SGSM1: variants seen among roughly 807,000 people sequenced by gnomAD.
SGSM1 encodes RUN and TBC1 domain containing 2.
A neutral mutation model predicts 133.8 loss-of-function variants in SGSM1; 73 were observed. That is an observed-to-expected ratio of 0.55 (90% CI 0.45 to 0.66). The LOEUF (loss-of-function observed/expected upper bound fraction) is 0.66. Ranked by LOEUF, SGSM1 falls within the 30% of genes least tolerant of loss-of-function variation. The probability of loss-of-function intolerance (pLI) is 0.00; values close to 1 mark genes in which losing one functional copy is unlikely to be tolerated. For missense variants in SGSM1, 1,213 were observed against 1,448.1 expected, an observed-to-expected ratio of 0.84 and a Z score of 2.64; for synonymous variants, 563 against 573.0, an observed-to-expected ratio of 0.98 and a Z score of 0.25.
intron 9 of SGSM1, among the ~76,000 whole-genome samples, chr22:24,862,150 G>A (rs996487783): frequency 6.6e-6 from 1 of 151,750 alleles, no homozygotes; most frequent in African/African-American, 2.4e-5. Flanking sequence ...GGGTTTCTCC[G>A]TGTTGGTCAG....
Position 24,925,376 on chromosome 22 carries a change from A to C in SGSM1, c.*1102A>C, listed in dbSNP as rs1004619172. ...CATCTCAAAAAAAAAAAGAAAAGGC[A>C]CACAAGAGTCCCTCACACATCTCTC... On this transcript the variant is annotated 3_prime_UTR_variant, in exon 25 of 25. Coordinates refer to ENST00000400358, the MANE Select transcript of SGSM1 (RefSeq NM_001098497.3). 6.6e-6 allele frequency: 1 copy of C among 151,746 alleles called. No homozygotes were observed. The highest frequency in any genetic ancestry group is 1.5e-5 in the Non-Finnish European group (1 of 67,996). 9.4% of individuals were successfully genotyped at this position (151,746 alleles called of 1,614,324 possible). A position where few individuals can be genotyped will look rare whatever the true frequency, so the allele number is the denominator to read the frequency against.
chr22:24,889,832 G>A (rs1932776605), intron 16 of SGSM1, among the ~76,000 whole-genome samples: 1 of 149,548 alleles, frequency 6.7e-6, no homozygotes, highest in Non-Finnish European at 1.5e-5. Flanking sequence ...TGTATTTTTA[G>A]TAGAGACGAG....
chr22:24,846,522 G>A (rs1440118082), intron 3 of SGSM1, among the ~76,000 whole-genome samples: 1 of 151,962 alleles, frequency 6.6e-6, no homozygotes, highest in East Asian at 1.9e-4. Context: ...TAACTTAGAG[G>A]AATAAAAGTA....
intron 2 of SGSM1, among the ~76,000 whole-genome samples, chr22:24,828,569 C>T (rs1601897615): frequency 2.6e-5 from 4 of 152,182 alleles, no homozygotes; most frequent in Admixed American, 1.3e-4. Context: ...GATACCATCT[C>T]ACATCAGTCA....
At chr22:24,861,686 T>C (rs924546087) in intron 9 of SGSM1, among the ~76,000 whole-genome samples, 4 of 151,750 alleles carry the variant, frequency 2.6e-5, no homozygotes, top group African/African-American at 9.7e-5. Context: ...TAGCTGGGAT[T>C]ACAGGGACTT....
At chr22:24,905,646 A>G (rs1933348640) in intron 21 of SGSM1, among the ~76,000 whole-genome samples, 1 of 151,848 alleles carries the variant, frequency 6.6e-6, no homozygotes, top group East Asian at 1.9e-4. Flanking sequence ...AAAATTAGCC[A>G]GGCGTGGTGG....
rs1021073003 is a variant in SGSM1, at chr22:24,876,647, C to A, written c.1362C>A (p.Ser454=). Residue 454 remains serine, a synonymous_variant, in exon 13 of 25, where the codon TCC becomes TCA. Transcript: ENST00000400358. The stretch of plus-strand genomic sequence containing the variant: ...TGTGGCAGCCCAGTCCCCGGAAGTC[C>A]TCCTGTTCATCCTGTTCACAGAGTG... The part of the protein sequence containing the change: ...PSLWQPSPRK[S]SCSSCSQSGS... 2.5e-6 allele frequency: 4 copies of A among 1,614,012 alleles called. No homozygotes were observed. The highest frequency in any genetic ancestry group is 3.4e-6 in the Non-Finnish European group (4 of 1,179,912).
intron 11 of SGSM1, 90 bp from the exon 12 acceptor site, chr22:24,868,633 C>T (rs953165269): frequency 1.1e-5 from 17 of 1,609,306 alleles, no homozygotes; most frequent in African/African-American, 1.3e-5. Context: ...GCTATGTGGC[C>T]TCATGCGCTC....
chr22:24,823,321 T>A (rs1928593193), intron 2 of SGSM1, among the ~76,000 whole-genome samples: 1 of 143,878 alleles, frequency 7.0e-6, no homozygotes, highest in Non-Finnish European at 1.5e-5. Flanking sequence ...TGTATTGTTT[T>A]GCCAGGCGCG....
intron 9 of SGSM1, 44 bp downstream of exon 9, chr22:24,859,884 C>T (rs369319851): frequency 1.1e-5 from 17 of 1,608,530 alleles, no homozygotes; most frequent in African/African-American, 9.4e-5. Context: ...TCCCTCCACT[C>T]GCCTTGGCAC....
chr22:24,904,699 A>G (rs1178058376), intron 20 of SGSM1, among the ~76,000 whole-genome samples: 1 of 152,216 alleles, frequency 6.6e-6, no homozygotes, highest in Non-Finnish European at 1.5e-5. Flanking sequence ...TAAGGCAAAG[A>G]TACAGAAACA....
At position 24,868,413 on chromosome 22, in the gene SGSM1, C is replaced by A; in HGVS notation, c.1032C>A (p.Asp344Glu). The A allele has an allele frequency of 6.2e-7, 1 of 1,613,702 alleles. No homozygotes were observed. Among genetic ancestry groups the A allele is most frequent in the Non-Finnish European group, 8.5e-7 (1 of 1,179,790 alleles). The change falls in exon 11 of 25, where the codon GAC (aspartate) becomes GAA (glutamate). Residue 344 changes from aspartate (D) to glutamate (E), a missense_variant. Physicochemically the swap from Asp to Glu is conservative, Grantham distance 45. Coordinates refer to ENST00000400358, the MANE Select transcript of SGSM1 (RefSeq NM_001098497.3). The part of the protein sequence containing the change: ...SGGTVVLVSQ[D>E]GIQRPPFRFP... ...GGACAGTGGTATTGGTCAGCCAGGA[C>A]GGGATCCAGAGGCCGCCCTTCCGCT...
intron 23 of SGSM1, 147 bp from the exon 24 acceptor site, chr22:24,919,679 T>A: frequency 1.3e-6 from 1 of 747,924 alleles, no homozygotes; most frequent in Non-Finnish European, 2.1e-6. Context: ...TCCTGCCTTC[T>A]GACCTGAGTT....
At chr22:24,905,278 A>G in intron 21 of SGSM1, 91 bp downstream of exon 21, 1 of 1,290,758 alleles carries the variant, frequency 7.7e-7, no homozygotes, top group South Asian at 1.2e-5. Flanking sequence ...ACTCTGTAGA[A>G]TGTGGCTCCA....
At chr22:24,921,980 T>C (rs1934025695) in intron 24 of SGSM1, among the ~76,000 whole-genome samples, 1 of 151,866 alleles carries the variant, frequency 6.6e-6, no homozygotes, top group African/African-American at 2.4e-5. Context: ...GGATTACAGG[T>C]GTGAACCACC....
chr22:24,847,940 C>G, intron 4 of SGSM1, 144 bp downstream of exon 4: 1 of 1,179,918 alleles, frequency 8.5e-7, no homozygotes, highest in Non-Finnish European at 1.2e-6. Flanking sequence ...TTTCCCACCC[C>G]AGGGTCTTTG....
chr22:24,840,034 C>T (rs1929699626), intron 2 of SGSM1, among the ~76,000 whole-genome samples: 1 of 151,186 alleles, frequency 6.6e-6, no homozygotes, highest in Admixed American at 6.6e-5. Flanking sequence ...GCTCCGCCTC[C>T]CAGGTTCACG....
At chr22:24,848,459 T>TG (rs1930277205) in intron 4 of SGSM1, among the ~76,000 whole-genome samples, 1 of 152,040 alleles carries the variant, frequency 6.6e-6, no homozygotes, top group South Asian at 2.1e-4. Flanking sequence ...AACCTTTGAA[T>TG]GGGGGAGGTG....
chr22:24,868,401 G>T lies in SGSM1; in HGVS notation c.1020G>T (p.Leu340Phe). ...QQVDSGGTVV[L>F]VSQDGIQRPP... ...TTGACAGCGGCGGGACAGTGGTATT[G>T]GTCAGCCAGGACGGGATCCAGAGGC... is the stretch of plus-strand genomic sequence containing the variant. The change falls in exon 11 of 25, where the codon TTG (leucine) becomes TTT (phenylalanine). Residue 340 changes from leucine to phenylalanine, a missense_variant. Leu to Phe is a conservative substitution (Grantham distance 22). Coordinates refer to ENST00000400358, the MANE Select transcript of SGSM1 (RefSeq NM_001098497.3). The T allele has an allele frequency of 6.2e-7, 1 of 1,613,096 alleles. No homozygotes were observed. The highest frequency in any genetic ancestry group is 8.5e-7 in the Non-Finnish European group (1 of 1,179,346).
Sources: allele counts gnomAD v4.1 joint callset (sites outside exome capture counted in the v4.1 genomes callset), GRCh38; gene constraint gnomAD v4.1.1; transcripts MANE v1.5; gene names NCBI Gene and HGNC (gene_info 2026-07-23, HGNC 2026-07-21).